Variants in BRWD1 observed in about 807,000 individuals in gnomAD.
The protein encoded by BRWD1 is bromodomain and WD repeat domain containing 1.
In BRWD1, 82 loss-of-function variants were observed where a neutral mutation model predicts 251.2. The ratio of observed to expected loss-of-function variants is 0.33; its 90% CI spans 0.27 to 0.39. BRWD1 has a LOEUF of 0.39. BRWD1 is among the 10% of genes least tolerant of loss of function. BRWD1 has a pLI of 1.00. For missense variants in BRWD1, 2,233 were observed against 2,711.6 expected (o/e 0.82, Z 3.92); for synonymous variants, 918 against 902.8 (o/e 1.02, Z -0.30).
At chr21:39,255,365 T>C (rs987110316) in intron 19 of BRWD1, among the ~76,000 whole-genome samples, 3 of 151,426 alleles carry the variant, frequency 2.0e-5, no homozygotes, top group Non-Finnish European at 1.5e-5. Flanking sequence ...TGAGCCGAGA[T>C]CATGCCACCG....
intron 29 of BRWD1, among the ~76,000 whole-genome samples, chr21:39,223,586 T>C (rs1472966045): frequency 2.0e-5 from 3 of 152,006 alleles, no homozygotes; most frequent in African/African-American, 4.8e-5. Context: ...TGGAGAAAGG[T>C]AGGAGGAAAT....
chr21:39,241,473 T>TAAAAA (rs61488970), intron 21 of BRWD1, among the ~76,000 whole-genome samples: 12 of 44,920 alleles, frequency 2.7e-4, no homozygotes, highest in East Asian at 1.6e-3. Context: ...ATCTCCAAAG[T>TAAAAA]AAAAAAAAAA....
intron 40 of BRWD1, among the ~76,000 whole-genome samples, chr21:39,197,660 ACAC>A (rs2031894298): frequency 6.6e-6 from 1 of 152,110 alleles, no homozygotes; most frequent in South Asian, 2.1e-4. Context: ...ACCTTACAGT[ACAC>A]CCTACTACAC....
upstream of BRWD1, chr21:39,313,641 G>GCCTCCGCGGGGGAGGAAGTAGGC: frequency 2.0e-6 from 1 of 494,360 alleles, no homozygotes; most frequent in Non-Finnish European, 3.1e-6. Context: ...CTGGACCGAC[G>GCCTCCGCGGGGGAGGAAGTAGGC]CCTCCGCGGG....
Position 39,187,498 on chromosome 21 carries a change from A to T in BRWD1, c.*8761T>A. The T allele has an allele frequency of 1.4e-6, 2 of 1,459,610 alleles. No homozygotes were observed. The highest frequency in any genetic ancestry group is 1.8e-6 in the Non-Finnish European group (2 of 1,107,842). The allele number at this position is 1,459,610 out of a possible 1,614,324, so 90.4% of individuals were successfully genotyped here. A position where few individuals can be genotyped will look rare whatever the true frequency, so the allele number is the denominator to read the frequency against. On this transcript the variant is annotated 3_prime_UTR_variant, in exon 41 of 41. Coordinates refer to ENST00000342449, the MANE Select transcript of BRWD1 (RefSeq NM_033656.4). ...ACTACTGCTAACATTCCTCAACAAC[A>T]CTCATTCGGAAACAATAAATTTAAA...
chr21:39,257,273 G>A (rs903448549), intron 18 of BRWD1, among the ~76,000 whole-genome samples: 1 of 151,792 alleles, frequency 6.6e-6, no homozygotes, highest in African/African-American at 2.4e-5. Flanking sequence ...TATTGTTAAG[G>A]CAATACAGTA....
chr21:39,191,091 C>T lies in BRWD1; in HGVS notation c.*5168G>A. 1.0e-6 allele frequency: 1 copy of T among 985,302 alleles called. No homozygotes were observed. Among genetic ancestry groups the T allele is most frequent in the Non-Finnish European group, 1.2e-6 (1 of 829,872 alleles). The allele number at this position is 985,302 out of a possible 1,614,324, so 61.0% of individuals were successfully genotyped here. A position where few individuals can be genotyped will look rare whatever the true frequency, so the allele number is the denominator to read the frequency against. Reference sequence around the variant, plus strand: ...AACTGCTTAATTTGCTTTTTAGAAGCAATACCTTAAGAGCATTTCACACTA... The same window carrying T: ...AACTGCTTAATTTGCTTTTTAGAAGTAATACCTTAAGAGCATTTCACACTA... On this transcript the variant is annotated 3_prime_UTR_variant, in exon 41 of 41. Coordinates refer to ENST00000342449, the MANE Select transcript of BRWD1 (RefSeq NM_033656.4).
intron 2 of BRWD1, 68 bp from the exon 3 acceptor site, chr21:39,313,169 A>G: frequency 6.7e-7 from 1 of 1,492,998 alleles, no homozygotes; most frequent in Non-Finnish European, 8.9e-7. Flanking sequence ...ACCCCCGCCC[A>G]CCACCCGCGA....
In BRWD1 at chr21:39,264,445, A is replaced by AAT; in HGVS notation, c.1885+14_1885+15insAT. On this transcript the variant is annotated intron_variant, in intron 17 of 40. Coordinates refer to ENST00000342449, the MANE Select transcript of BRWD1 (RefSeq NM_033656.4). Reference sequence around the variant, plus strand: ...TACAACTTTAAAAAAAAAAAAAAAAAAAGACTGCACTTACTTGTTGCCACA... The same window carrying AAT: ...TACAACTTTAAAAAAAAAAAAAAAAAATAAGACTGCACTTACTTGTTGCCACA... 5 of 1,420,778 alleles carry AAT rather than the reference A, an allele frequency of 3.5e-6. No homozygotes were observed. Among genetic ancestry groups the AAT allele is most frequent in the East Asian group, 2.4e-5 (1 of 41,388 alleles). 88.0% of individuals were successfully genotyped at this position (1,420,778 alleles called of 1,614,324 possible).
At chr21:39,236,214 C>T (rs1012050992) in intron 23 of BRWD1, among the ~76,000 whole-genome samples, 1 of 152,168 alleles carries the variant, frequency 6.6e-6, no homozygotes, top group African/African-American at 2.4e-5. Context: ...CAAAGGACTC[C>T]GCATCTGTGA....
rs1310501534 is a variant in BRWD1, at chr21:39,269,978, A to G, written c.1451T>C (p.Met484Thr). 3 of 1,595,870 alleles carry G rather than the reference A, an allele frequency of 1.9e-6. No homozygotes were observed. Among genetic ancestry groups the G allele is most frequent in the South Asian group, 1.1e-5 (1 of 87,874 alleles). Reference sequence around the variant, plus strand: ...GCTGCCATCATGTCCTGCAGATAACATAATTCTGGAATCAAAGGGATGTGT... The same window carrying G: ...GCTGCCATCATGTCCTGCAGATAACGTAATTCTGGAATCAAAGGGATGTGT... The part of the protein sequence containing the change: ...LETHPFDSRI[M>T]LSAGHDGSIF... The change falls in exon 15 of 41, where the codon ATG becomes ACG. Residue 484 changes from methionine (M) to threonine (T), a missense_variant. Around this residue, in one of 12 missense-constraint regions of BRWD1, gnomAD observed 315 missense variants for 421.8 expected, o/e 0.75. Transcript: ENST00000342449.
chr21:39,244,931 T>TAC (rs1026673382), intron 21 of BRWD1, among the ~76,000 whole-genome samples: 23 of 143,006 alleles, frequency 1.6e-4, no homozygotes, highest in African/African-American at 5.5e-4. Context: ...AATATATATA[T>TAC]ATATATATAT....
chr21:39,192,034 C>G lies in BRWD1; in HGVS notation c.*4225G>C. The G allele has an allele frequency of 1.0e-6, 1 of 984,950 alleles. No homozygotes were observed. The highest frequency in any genetic ancestry group is 4.7e-5 in the South Asian group (1 of 21,278). 61.0% of individuals were successfully genotyped at this position (984,950 alleles called of 1,614,324 possible). A position where few individuals can be genotyped will look rare whatever the true frequency, so the allele number is the denominator to read the frequency against. On this transcript the variant is annotated 3_prime_UTR_variant, in exon 41 of 41. Coordinates refer to ENST00000342449, the MANE Select transcript of BRWD1 (RefSeq NM_033656.4). Reference sequence around the variant, plus strand: ...CCAAATGATGTGACTCTCCCCCTCCCTCCATCAAATCTAGAAAAGCAATTC... The same window carrying G: ...CCAAATGATGTGACTCTCCCCCTCCGTCCATCAAATCTAGAAAAGCAATTC...
intron 32 of BRWD1, among the ~76,000 whole-genome samples, chr21:39,214,366 A>G (rs1466086971): frequency 6.6e-6 from 1 of 152,198 alleles, no homozygotes; most frequent in Admixed American, 6.5e-5. Flanking sequence ...TGAAACATTA[A>G]AACAACATAA....
upstream of BRWD1, chr21:39,314,208 C>T (rs1207287332): frequency 2.2e-6 from 1 of 455,762 alleles, no homozygotes; most frequent in Non-Finnish European, 4.4e-6. Context: ...GGGAACGCCG[C>T]CCGGACCCGC....
At chr21:39,287,813 T>C (rs536809813) in intron 8 of BRWD1, among the ~76,000 whole-genome samples, 183 of 152,334 alleles carry the variant, frequency 1.2e-3, no homozygotes, top group African/African-American at 4.2e-3. Context: ...AGAAATACAC[T>C]TGTGATCACT....
chr21:39,192,683 G>C lies in BRWD1; in HGVS notation c.*3576C>G. The C allele has an allele frequency of 1.0e-6, 1 of 984,864 alleles. No homozygotes were observed. The highest frequency in any genetic ancestry group is 1.2e-6 in the Non-Finnish European group (1 of 829,680). The allele number at this position is 984,864 out of a possible 1,614,324, so 61.0% of individuals were successfully genotyped here. A position where few individuals can be genotyped will look rare whatever the true frequency, so the allele number is the denominator to read the frequency against. On this transcript the variant is annotated 3_prime_UTR_variant, in exon 41 of 41. Transcript: ENST00000342449. The stretch of plus-strand genomic sequence containing the variant: ...GAGCTGGTTATTTCAGCTTTAAAAG[G>C]GCAAAGCAAAAAGACCATTTTCTAG...
Position 39,197,429 on chromosome 21 carries a change from A to G in BRWD1, c.5654-14T>C. On this transcript the variant is annotated splice_polypyrimidine_tract_variant and intron_variant, in intron 40 of 40. Transcript: ENST00000342449. Reference sequence around the variant, plus strand: ...GTGATGCAGAATCTAAAAGTTAAAGAGCAGATTTCTATTAATCTTTTGTAA... The same window carrying G: ...GTGATGCAGAATCTAAAAGTTAAAGGGCAGATTTCTATTAATCTTTTGTAA... The G allele has an allele frequency of 6.5e-7, 1 of 1,530,206 alleles. No individual in the cohort carries two copies. The allele number at this position is 1,530,206 out of a possible 1,614,324, so 94.8% of individuals were successfully genotyped here.
intron 8 of BRWD1, 28 bp downstream of exon 8, chr21:39,293,783 G>A (rs756723074): frequency 6.4e-7 from 1 of 1,556,944 alleles, no homozygotes; most frequent in South Asian, 1.1e-5. Context: ...ATACATATAG[G>A]AATGTGCCCA....
Sources: allele counts gnomAD v4.1 joint callset (sites outside exome capture counted in the v4.1 genomes callset), GRCh38; gene constraint gnomAD v4.1.1; regional missense constraint gnomAD v4.1.1; transcripts MANE v1.5; gene names NCBI Gene and HGNC (gene_info 2026-07-23, HGNC 2026-07-21).